The following RTN4IP1 variants were observed in gnomAD, a reference collection of about 807,000 sequenced individuals.
RTN4IP1 encodes NAD(P)H oxidoreductase RTN4IP1, mitochondrial.
In RTN4IP1, 32 loss-of-function variants were observed where a neutral mutation model predicts 46.6. The ratio of observed to expected loss-of-function variants is 0.69; its 90% CI spans 0.52 to 0.92. RTN4IP1 has a LOEUF of 0.92. RTN4IP1 is among the 40% of genes least tolerant of loss of function. RTN4IP1 has a pLI of 0.00. For synonymous variants in RTN4IP1, 167 were observed against 161.8 expected, an observed-to-expected ratio of 1.03 and a Z score of -0.24; for missense variants, 424 against 485.8, an observed-to-expected ratio of 0.87 and a Z score of 1.20.
At chr6:106,572,435 T>G in intron 8 of RTN4IP1, 2 of 220,496 alleles carry the variant, frequency 9.1e-6, no homozygotes, top group East Asian at 1.0e-4. Flanking sequence ...CTCATCCAGA[T>G]TCCATGCTTT....
chr6:106,592,194 C>A lies in RTN4IP1; in HGVS notation c.776G>T (p.Ser259Ile), dbSNP rs1269477523. ...TAAGGATTTCAACTGCTCTTCCACA[C>A]TTCCAGATTTGTAATCAATTACATC... ...ADDVIDYKSG[S>I]VEEQLKSLKP... The change falls in exon 6 of 9, where the codon AGT becomes ATT. Residue 259 changes from serine to isoleucine, a missense_variant. Physicochemically the swap from Ser to Ile is moderately radical, Grantham distance 142. Transcript: ENST00000369063. The A allele has an allele frequency of 6.2e-7, 1 of 1,613,984 alleles. No individual in the cohort carries two copies. The highest frequency in any genetic ancestry group is 1.3e-5 in the African/African-American group (1 of 74,920).
intron 8 of RTN4IP1, among the ~76,000 whole-genome samples, chr6:106,578,963 G>A (rs1188672049): frequency 1.3e-5 from 2 of 150,956 alleles, no homozygotes; most frequent in Non-Finnish European, 2.9e-5. Context: ...CCAGCTGGGC[G>A]TGGTGGCTCA....
At chr6:106,630,053 T>C (rs900645213), upstream of RTN4IP1, among the ~76,000 whole-genome samples, 2 of 152,198 alleles carry the variant, frequency 1.3e-5, no homozygotes, top group African/African-American at 4.8e-5. Flanking sequence ...TCCCCGACAC[T>C]TAGCTGCAGT....
At chr6:106,590,926 T>C (rs1404448711) in intron 6 of RTN4IP1, among the ~76,000 whole-genome samples, 2 of 152,198 alleles carry the variant, frequency 1.3e-5, no homozygotes, top group East Asian at 1.9e-4. Flanking sequence ...GAGCTTTAGG[T>C]TGCTGTTCTT....
intron 4 of RTN4IP1, among the ~76,000 whole-genome samples, chr6:106,606,808 T>C (rs995246975): frequency 2.0e-5 from 3 of 152,186 alleles, no homozygotes; most frequent in African/African-American, 7.2e-5. Context: ...AAAATAAATG[T>C]TGTTAAAATG....
chr6:106,625,342 G>A (rs554282173), intron 1 of RTN4IP1, among the ~76,000 whole-genome samples: 1 of 152,210 alleles, frequency 6.6e-6, no homozygotes, highest in African/African-American at 2.4e-5. Context: ...GGAGAAAGCA[G>A]CAAAGGAGAC....
chr6:106,598,843 A>G (rs1002018711), intron 5 of RTN4IP1, among the ~76,000 whole-genome samples: 3 of 151,604 alleles, frequency 2.0e-5, no homozygotes, highest in Admixed American at 1.3e-4. Context: ...TAACGTTTAA[A>G]TCTTTAATCC....
intron 8 of RTN4IP1, among the ~76,000 whole-genome samples, chr6:106,574,051 C>T (rs1002306642): frequency 2.6e-5 from 4 of 152,198 alleles, no homozygotes; most frequent in African/African-American, 7.2e-5. Context: ...GCTTGTGAGA[C>T]GAAGCCTATT....
intron 8 of RTN4IP1, among the ~76,000 whole-genome samples, chr6:106,579,231 T>C (rs950297808): frequency 4.7e-5 from 7 of 147,376 alleles, no homozygotes; most frequent in African/African-American, 1.5e-4. Context: ...CAAGACTACA[T>C]CTCAAAAAAA....
chr6:106,595,434 G>C (rs537000397), intron 5 of RTN4IP1, among the ~76,000 whole-genome samples: 1 of 152,000 alleles, frequency 6.6e-6, no homozygotes, highest in South Asian at 2.1e-4. Flanking sequence ...TCTGCTTATT[G>C]GTGGTTGCGA....
chr6:106,587,542 T>C (rs1167374422), intron 7 of RTN4IP1, 137 bp downstream of exon 7: 5 of 716,512 alleles, frequency 7.0e-6, no homozygotes, highest in Non-Finnish European at 1.2e-5. Context: ...TTGAAGCCAG[T>C]CACTGTGACT....
In RTN4IP1 at chr6:106,628,848, T is replaced by C. The variant is rs1458524958; in HGVS notation, c.174A>G (p.Arg58=). 1 of 1,614,168 alleles carries C rather than the reference T, an allele frequency of 6.2e-7. No homozygotes were observed. The highest frequency in any genetic ancestry group is 1.7e-5 in the Admixed American group (1 of 60,026). The change falls in exon 1 of 9, where the codon CGA becomes CGG. Residue 58 remains arginine, a synonymous_variant. Transcript: ENST00000369063. ...IDKYGKNEVL[R]FTQNMMMPII... ...TAGGCATCATCATGTTCTGAGTGAA[T>C]CGAAGCACTTCATTCTTCCCATATT...
intron 8 of RTN4IP1, among the ~76,000 whole-genome samples, chr6:106,580,481 G>A (rs1239736718): frequency 6.6e-6 from 1 of 151,980 alleles, no homozygotes; most frequent in Non-Finnish European, 1.5e-5. Context: ...CACTTTGGGA[G>A]GCCAAGGCAG....
intron 6 of RTN4IP1, among the ~76,000 whole-genome samples, chr6:106,588,878 AG>A (rs1775550672): frequency 6.6e-6 from 1 of 151,956 alleles, no homozygotes; most frequent in Non-Finnish European, 1.5e-5. Context: ...TGGGAGGCCG[AG>A]TCGGGTGGAT....
chr6:106,608,360 G>C (rs1032298398), intron 4 of RTN4IP1, among the ~76,000 whole-genome samples: 1 of 152,246 alleles, frequency 6.6e-6, no homozygotes, highest in East Asian at 1.9e-4. Flanking sequence ...AACAGGGTGA[G>C]GTTGGTTAAC....
intron 3 of RTN4IP1, 152 bp from the exon 4 acceptor site, chr6:106,619,478 G>A (rs1435401060): frequency 1.3e-5 from 11 of 834,282 alleles, no homozygotes; most frequent in Non-Finnish European, 2.0e-5. Context: ...TCCTGCCTCT[G>A]CCACCTCTGA....
rs749101133 is a variant in RTN4IP1 at position 106,628,783 on chromosome 6, G to C, written c.239C>G (p.Ala80Gly). 2.5e-6 allele frequency: 4 copies of C among 1,613,848 alleles called. No homozygotes were observed. The East Asian group carries it at 6.7e-5, about 27-fold the overall frequency. ...YPNEVIVKVH[A>G]ASVNPIDVNM... ...AACGTCTATAGGATTTACACTGGCA[G>C]CGTGAACTTTGACAATGACTTCATT... Residue 80 changes from alanine to glycine, a missense_variant, in exon 1 of 9, where the codon GCT becomes GGT. Transcript: ENST00000369063.
intron 7 of RTN4IP1, 42 bp from the exon 8 acceptor site, chr6:106,583,462 T>C (rs771069238): frequency 2.0e-6 from 3 of 1,506,564 alleles, no homozygotes; most frequent in Admixed American, 3.5e-5. Context: ...CAGAAAAACA[T>C]AAAATCTGAC....
At chr6:106,610,731 T>C (rs934856651) in intron 4 of RTN4IP1, among the ~76,000 whole-genome samples, 1 of 152,054 alleles carries the variant, frequency 6.6e-6, no homozygotes, top group African/African-American at 2.4e-5. Flanking sequence ...CTATTACTTC[T>C]TAAGTACACA....
Sources: gnomAD v4.1 joint callset for allele counts (sites outside exome capture counted in the v4.1 genomes callset) on GRCh38, gnomAD v4.1.1 for gene constraint, MANE v1.5 for transcripts, NCBI Gene and HGNC (gene_info 2026-07-23, HGNC 2026-07-21) for gene names.